EHBP1L1: variants seen among roughly 807,000 people sequenced by gnomAD.
EHBP1L1 encodes EH domain-binding protein 1-like protein 1.
Under a neutral mutation model 151.1 loss-of-function variants are expected in EHBP1L1, and 122 were observed. The observed-to-expected ratio is 0.81, with a 90% CI of 0.70 to 0.94. EHBP1L1 has a LOEUF of 0.94. Ranked by LOEUF, EHBP1L1 falls within the 40% of genes least tolerant of loss-of-function variation. The pLI, the probability that EHBP1L1 is intolerant of heterozygous loss-of-function variation, is 0.00. For missense variants in EHBP1L1, 1,941 were observed against 1,959.8 expected (o/e 0.99, Z 0.18); for synonymous variants, 878 against 810.1 (o/e 1.08, Z -1.42).
At position 65,583,410 on chromosome 11, in the gene EHBP1L1, G is replaced by C. The variant is rs749578947; in HGVS notation, c.2738G>C (p.Gly913Ala). 1 of 1,613,560 alleles carries C rather than the reference G, an allele frequency of 6.2e-7. No homozygotes were observed. Among genetic ancestry groups the C allele is most frequent in the South Asian group, 1.1e-5 (1 of 91,058 alleles). The change falls in exon 9 of 19, where the codon GGA (glycine) becomes GCA (alanine). Residue 913 changes from glycine to alanine, a missense_variant. Gly to Ala is a moderately conservative substitution (Grantham distance 60). Transcript: ENST00000309295. ...RAPVTQPRVLGSQEAKAEISG... is the reference protein window; with the variant it reads ...RAPVTQPRVLASQEAKAEISG... ...CCAGTCACTCAGCCAAGAGTTTTAG[G>C]ATCCCAGGAAGCAAAAGCAGAGATT...
In EHBP1L1 at chr11:65,589,942, G is replaced by A. The variant is rs181268067; in HGVS notation, c.4010G>A (p.Ser1337Asn). The change falls in exon 14 of 19, where the codon AGT becomes AAT. Residue 1337 changes from serine (S) to asparagine (N), a missense_variant. Physicochemically the swap from Ser to Asn is conservative, Grantham distance 46. Transcript: ENST00000309295. ...TCATCATCTCTGTCTGCAGGTGGGA[G>A]TTCCCCCTCGGAGGAACCACCCCCA... ...AADSQQPPGGSSPSEEPPPSP... is the reference protein window; with the variant it reads ...AADSQQPPGGNSPSEEPPPSP... 1.3e-5 allele frequency: 21 copies of A among 1,565,546 alleles called. No homozygotes were observed. The East Asian group carries it at 4.8e-4, about 36-fold the overall frequency.
Position 65,582,720 on chromosome 11 carries a change from G to A in EHBP1L1, c.2048G>A (p.Gly683Glu), listed in dbSNP as rs747475802. ...TEVLVTQEIS[G>E]DLGPLKIEDT... ...GTACTGGTGACCCAGGAGATATCTGGGGATTTAGGGCCACTGAAGATAGAA... is the reference window on the plus strand; with the variant it reads ...GTACTGGTGACCCAGGAGATATCTGAGGATTTAGGGCCACTGAAGATAGAA... Residue 683 changes from glycine to glutamate, a missense_variant, in exon 9 of 19, where the codon GGG becomes GAG. By Grantham distance (98) the Gly-to-Glu change is moderately conservative. Transcript: ENST00000309295. 3.1e-6 allele frequency: 5 copies of A among 1,613,594 alleles called. No individual in the cohort carries two copies. The highest frequency in any genetic ancestry group is 4.2e-6 in the Non-Finnish European group (5 of 1,179,856).
intron 12 of EHBP1L1, among the ~76,000 whole-genome samples, chr11:65,588,331 G>A (rs913857566): frequency 1.1e-4 from 17 of 152,190 alleles, no homozygotes; most frequent in South Asian, 2.1e-4. Flanking sequence ...GTGTCTAGGC[G>A]TGGCTCAGGG....
In EHBP1L1 at chr11:65,582,033, C is replaced by T. The variant is rs76222487; in HGVS notation, c.1361C>T (p.Thr454Ile). 3.5e-4 allele frequency: 568 copies of T among 1,613,456 alleles called. 2 individuals are homozygous for T. In the East Asian group the frequency reaches 0.012, roughly 34 times the overall value. The change falls in exon 9 of 19, where the codon ACC becomes ATC. Residue 454 changes from threonine to isoleucine, a missense_variant. Transcript: ENST00000309295. ...ATGCCTGAGGCAAGATGCAGGGGGA[C>T]CCCTGAGGCTCCTCCAAGGGGCTCT... ...GVMPEARCRGTPEAPPRGSQG... is the reference protein window; with the variant it reads ...GVMPEARCRGIPEAPPRGSQG...
chr11:65,583,402 A>G lies in EHBP1L1; in HGVS notation c.2730A>G (p.Arg910=). The change falls in exon 9 of 19, where the codon AGA becomes AGG. Residue 910 remains arginine, a synonymous_variant. Transcript: ENST00000309295. ...EALRAPVTQP[R]VLGSQEAKAE... ...TAAGGGCCCCAGTCACTCAGCCAAGAGTTTTAGGATCCCAGGAAGCAAAAG... is the reference window on the plus strand; with the variant it reads ...TAAGGGCCCCAGTCACTCAGCCAAGGGTTTTAGGATCCCAGGAAGCAAAAG... The G allele has an allele frequency of 1.2e-6, 2 of 1,613,490 alleles. No individual in the cohort carries two copies. Among genetic ancestry groups the G allele is most frequent in the Non-Finnish European group, 1.7e-6 (2 of 1,179,718 alleles).
intron 1 of EHBP1L1, chr11:65,578,419 G>T (rs1200858243): frequency 6.5e-6 from 1 of 152,700 alleles, no homozygotes; most frequent in Non-Finnish European, 1.5e-5. Context: ...TCTTTCTCCA[G>T]ATCCTCACAC....
chr11:65,591,582 G>T (rs944934543), intron 16 of EHBP1L1: 10 of 613,358 alleles, frequency 1.6e-5, no homozygotes, highest in Non-Finnish European at 3.0e-5. Context: ...GGGGTGTGTG[G>T]GAGGAGCAAC....
At chr11:65,589,694 C>T (rs1242446930) in intron 12 of EHBP1L1, 57 bp from the exon 13 acceptor site, 4 of 1,477,020 alleles carry the variant, frequency 2.7e-6, no homozygotes, top group Non-Finnish European at 3.6e-6. Flanking sequence ...CTGGCTGGCC[C>T]CAGGCCCAGG....
In EHBP1L1 at chr11:65,582,438, T is replaced by C; in HGVS notation, c.1766T>C (p.Val589Ala). 3 of 1,610,516 alleles carry C rather than the reference T, an allele frequency of 1.9e-6. No homozygotes were observed. Among genetic ancestry groups the C allele is most frequent in the South Asian group, 1.1e-5 (1 of 90,994 alleles). ...LEVLGTQEKE[V>A]EGSGFPETRT... Reference sequence around the variant, plus strand: ...GTGCTGGGAACCCAGGAGAAAGAAGTTGAGGGGTCAGGGTTCCCAGAGACT... The same window carrying C: ...GTGCTGGGAACCCAGGAGAAAGAAGCTGAGGGGTCAGGGTTCCCAGAGACT... The change falls in exon 9 of 19, where the codon GTT becomes GCT. Residue 589 changes from valine to alanine, a missense_variant. Coordinates refer to ENST00000309295, the MANE Select transcript of EHBP1L1 (RefSeq NM_001099409.3).
At position 65,579,978 on chromosome 11, in the gene EHBP1L1, A is replaced by C; in HGVS notation, c.301A>C (p.Ile101Leu). 6.2e-7 allele frequency: 1 copy of C among 1,613,878 alleles called. No homozygotes were observed. Among genetic ancestry groups the C allele is most frequent in the Non-Finnish European group, 8.5e-7 (1 of 1,179,860 alleles). Residue 101 changes from isoleucine to leucine, a missense_variant, in exon 4 of 19, where the codon ATT becomes CTT. By Grantham distance (5) the Ile-to-Leu change is conservative. Coordinates refer to ENST00000309295, the MANE Select transcript of EHBP1L1 (RefSeq NM_001099409.3). ...GTATGAGGCCAAAGAGTGGACATTT[A>C]TTATTGAAAATGTGAGTGTCTGGAG... ...DQYEAKEWTFIIENESKGQRK... is the reference protein window; with the variant it reads ...DQYEAKEWTFLIENESKGQRK...
At chr11:65,591,931 G>C in intron 17 of EHBP1L1, 45 bp from the exon 18 acceptor site, 2 of 1,607,674 alleles carry the variant, frequency 1.2e-6, no homozygotes. Context: ...AGGCGGCACA[G>C]CCCTGGGCCC....
intron 15 of EHBP1L1, 103 bp downstream of exon 15, chr11:65,590,313 TG>T (rs1348017542): frequency 6.5e-7 from 1 of 1,545,044 alleles, no homozygotes; most frequent in Non-Finnish European, 8.7e-7. Flanking sequence ...GAGGCACGGC[TG>T]GCATCAGCGT....
intron 1 of EHBP1L1, among the ~76,000 whole-genome samples, chr11:65,578,845 C>T (rs970887419): frequency 3.3e-5 from 5 of 152,246 alleles, no homozygotes; most frequent in Non-Finnish European, 5.9e-5. Flanking sequence ...CCCTGCCTGC[C>T]CACACTGTCT....
rs371540928 is a variant in EHBP1L1 at position 65,591,897 on chromosome 11, G to A, written c.4357+24G>A. The A allele has an allele frequency of 1.5e-5, 24 of 1,605,534 alleles. No individual in the cohort carries two copies. The African/African-American group carries it at 2.7e-4, about 18-fold the overall frequency. ...AGGTGGGACATGGGCTCAGGGGCCG[G>A]GAGGCAAGACAGAGCCAGGGTGGAG... On this transcript the variant is annotated intron_variant, in intron 17 of 18. Transcript: ENST00000309295.
At chr11:65,578,201 C>T (rs1857419198) in intron 1 of EHBP1L1, 1 of 152,474 alleles carries the variant, frequency 6.6e-6, no homozygotes, top group Non-Finnish European at 1.5e-5. Context: ...TCTGATTGCC[C>T]TCCAGGCTCC....
At chr11:65,589,905 G>C (rs779484617) in intron 13 of EHBP1L1, 31 bp from the exon 14 acceptor site, 18 of 1,538,894 alleles carry the variant, frequency 1.2e-5, no homozygotes, top group Admixed American at 6.1e-5. Context: ...GTGGTGGTTA[G>C]GGGGTGCCTT....
chr11:65,585,426 C>G lies in EHBP1L1; in HGVS notation c.3768C>G (p.Pro1256=). The G allele has an allele frequency of 6.8e-7, 1 of 1,465,586 alleles. No homozygotes were observed. 90.8% of individuals were successfully genotyped at this position (1,465,586 alleles called of 1,614,324 possible). A position where few individuals can be genotyped will look rare whatever the true frequency, so the allele number is the denominator to read the frequency against. Residue 1256 remains proline, a synonymous_variant, in exon 12 of 19, where the codon CCC becomes CCG. Coordinates refer to ENST00000309295, the MANE Select transcript of EHBP1L1 (RefSeq NM_001099409.3). This position sits in a 1 kb window ranked among gnomAD's most constrained non-coding sequence, Gnocchi z 4.0. ...GCGGCGGCGTGAGGCTGCGACGGCC[C>G]TCGGTCAACGGGGAGCCCGGGTCGG... ...PGGGGVRLRR[P]SVNGEPGSVP...
Position 65,585,469 on chromosome 11 carries a change from C to T in EHBP1L1, c.3811C>T (p.His1271Tyr). 1 of 1,534,808 alleles carries T rather than the reference C, an allele frequency of 6.5e-7. No individual in the cohort carries two copies. The highest frequency in any genetic ancestry group is 1.4e-5 in the African/African-American group (1 of 72,834). The change falls in exon 12 of 19, where the codon CAC (histidine) becomes TAC (tyrosine). Residue 1271 changes from histidine (H) to tyrosine (Y), a missense_variant. By Grantham distance (83) the His-to-Tyr change is moderately conservative (BLOSUM62 2). Coordinates refer to ENST00000309295, the MANE Select transcript of EHBP1L1 (RefSeq NM_001099409.3). This position sits in a 1 kb window ranked among gnomAD's most constrained non-coding sequence, Gnocchi z 4.0. ...CGGGTCGGTGCCCCCGCCCCGCGCG[C>T]ACGGCTCCTTCTCCCACGTGCGCGA... ...EPGSVPPPRA[H>Y]GSFSHVRDAD...
intron 12 of EHBP1L1, 143 bp from the exon 13 acceptor site, chr11:65,589,608 A>G (rs1297516685): frequency 5.3e-6 from 7 of 1,315,436 alleles, no homozygotes; most frequent in South Asian, 1.6e-5. Flanking sequence ...GGTTCTGTGC[A>G]TGCAGGACTA....
Sources: gnomAD v4.1 joint callset for allele counts (sites outside exome capture counted in the v4.1 genomes callset) on GRCh38, gnomAD v4.1.1 for gene constraint, Gnocchi (gnomAD v3.1) non-coding constraint, MANE v1.5 for transcripts, NCBI Gene and HGNC (gene_info 2026-07-23, HGNC 2026-07-21) for gene names.